CYB5R3: variants seen among roughly 807,000 people sequenced by gnomAD.
The protein encoded by CYB5R3 is cytochrome b5 reductase 3.
A neutral mutation model predicts 36.5 loss-of-function variants in CYB5R3; 28 were observed. The ratio of observed to expected loss-of-function variants is 0.77; its 90% CI spans 0.57 to 1.05. The LOEUF (loss-of-function observed/expected upper bound fraction) is 1.05, where lower values mean the gene tolerates loss of function less well. CYB5R3 is among the 50% of genes least tolerant of loss of function. The probability of loss-of-function intolerance (pLI) is 0.00; values close to 1 mark genes in which losing one functional copy is unlikely to be tolerated. For missense variants in CYB5R3, 474 were observed against 408.9 expected, an observed-to-expected ratio of 1.16 and a Z score of -1.37; for synonymous variants, 181 against 159.8, an observed-to-expected ratio of 1.13 and a Z score of -1.00.
At chr22:42,639,713 G>A (rs531773805) in intron 1 of CYB5R3, 2 of 432,960 alleles carry the variant, frequency 4.6e-6, no homozygotes, top group Admixed American at 3.9e-5. Flanking sequence ...CTGTGGTTAC[G>A]CAAAGGAATG....
chr22:42,624,859 C>G (rs1246401193), intron 7 of CYB5R3, among the ~76,000 whole-genome samples: 2 of 152,114 alleles, frequency 1.3e-5, no homozygotes, highest in Admixed American at 1.3e-4. Context: ...GTTCCCAGGG[C>G]TGGGGAACTG....
intron 1 of CYB5R3, among the ~76,000 whole-genome samples, chr22:42,649,059 C>G (rs889414902): frequency 1.7e-4 from 26 of 152,190 alleles, no homozygotes; most frequent in African/African-American, 4.3e-4. Flanking sequence ...GCGCGCCCCC[C>G]GGGCAGGAGG....
At chr22:42,638,396 C>CAAAAA (rs1206825251) in intron 1 of CYB5R3, among the ~76,000 whole-genome samples, 7 of 36,492 alleles carry the variant, frequency 1.9e-4, no homozygotes, top group Admixed American at 8.8e-4. Context: ...AACTCCATCT[C>CAAAAA]AAAAAAAAAA....
intron 1 of CYB5R3, among the ~76,000 whole-genome samples, chr22:42,644,788 G>C (rs1929460987): frequency 6.6e-6 from 1 of 152,204 alleles, no homozygotes; most frequent in African/African-American, 2.4e-5. Flanking sequence ...AGGAGCTGGG[G>C]TTGTGCTTGG....
Position 42,636,737 on chromosome 22 carries a change from G to A in CYB5R3, c.131C>T (p.Pro44Leu), listed in dbSNP as rs1226180422. The A allele has an allele frequency of 1.1e-5, 17 of 1,612,952 alleles. No homozygotes were observed. Among genetic ancestry groups the A allele is most frequent in the Non-Finnish European group, 1.4e-5 (16 of 1,179,932 alleles). ...ITLESPDIKYPLRLIDREIIS... is the reference protein window; with the variant it reads ...ITLESPDIKYLLRLIDREIIS... ...CACCTCCCGGTCGATGAGCCGCAGC[G>A]GGTACTTGATGTCCGGGCTCTCGAG... is the stretch of plus-strand genomic sequence containing the variant. Residue 44 changes from proline to leucine, a missense_variant, in exon 2 of 9, where the codon CCG becomes CTG. Transcript: ENST00000352397.
intron 2 of CYB5R3, chr22:42,631,951 G>A (rs1928643938): frequency 1.2e-5 from 2 of 163,052 alleles, no homozygotes; most frequent in Admixed American, 1.2e-4. Flanking sequence ...GGACTGAGGT[G>A]GGCTTCACAG....
At position 42,618,609 on chromosome 22, in the gene CYB5R3, A is replaced by T. The variant is rs1927765599; in HGVS notation, c.*1164T>A. The T allele has an allele frequency of 1.3e-5, 2 of 148,198 alleles. No individual in the cohort carries two copies. The highest frequency in any genetic ancestry group is 6.8e-5 in the Admixed American group (1 of 14,798). The allele number at this position is 148,198 out of a possible 1,614,324, so 9.2% of individuals were successfully genotyped here. A position where few individuals can be genotyped will look rare whatever the true frequency, so the allele number is the denominator to read the frequency against. On this transcript the variant is annotated 3_prime_UTR_variant, in exon 9 of 9. Coordinates refer to ENST00000352397, the MANE Select transcript of CYB5R3 (RefSeq NM_000398.7). ...GCACTTTTAGTCCCAGCTACTCGGGAGGCTGAGGCAGGAGAATCGCTTGAA... is the reference window on the plus strand; with the variant it reads ...GCACTTTTAGTCCCAGCTACTCGGGTGGCTGAGGCAGGAGAATCGCTTGAA...
At chr22:42,646,625 C>A in intron 1 of CYB5R3, 1 of 984,608 alleles carries the variant, frequency 1.0e-6, no homozygotes, top group Non-Finnish European at 1.2e-6. Context: ...ACAAGCCAGT[C>A]GGGTGACTTG....
rs149158903 is a variant in CYB5R3, at chr22:42,627,681, G to T, written c.471C>A (p.Phe157Leu). ...GLLVYQGKGK[F>L]AIRPDKKSNP... ...TGGACTTTTTGTCAGGTCGGATGGC[G>T]AACTTCCCTGGGGAGAGAGAAGGGG... The change falls in exon 6 of 9, where the codon TTC becomes TTA. Residue 157 changes from phenylalanine to leucine, a missense_variant. By Grantham distance (22) the Phe-to-Leu change is conservative (BLOSUM62 0). Transcript: ENST00000352397. The T allele has an allele frequency of 6.2e-7, 1 of 1,612,894 alleles. No homozygotes were observed. The highest frequency in any genetic ancestry group is 1.3e-5 in the African/African-American group (1 of 74,992).
At chr22:42,626,271 T>C (rs1008899966) in intron 7 of CYB5R3, among the ~76,000 whole-genome samples, 4 of 152,122 alleles carry the variant, frequency 2.6e-5, no homozygotes, top group African/African-American at 9.7e-5. Context: ...GATTGTGCCA[T>C]TGCACTCCAG....
chr22:42,621,148 TA>T (rs1385778081), intron 8 of CYB5R3, among the ~76,000 whole-genome samples: 2 of 151,988 alleles, frequency 1.3e-5, no homozygotes, highest in Non-Finnish European at 2.9e-5. Context: ...TGCAGGTATG[TA>T]AGACACCTTT....
intron 1 of CYB5R3, among the ~76,000 whole-genome samples, chr22:42,644,079 C>T (rs560190582): frequency 6.6e-6 from 1 of 152,206 alleles, no homozygotes; most frequent in Admixed American, 6.5e-5. Flanking sequence ...GTTATCTATC[C>T]CTCAGATAGA....
rs188966061 is a variant in CYB5R3, at chr22:42,638,785, C to T, written c.22-1939G>A. Among the ~76,000 whole-genome samples the T allele has an allele frequency of 2.7e-3, 393 of 146,748 alleles. 2 individuals are homozygous for T. Among genetic ancestry groups the T allele is most frequent in the African/African-American group, 9.5e-3 (375 of 39,490 alleles). On this transcript the variant is annotated intron_variant, in intron 1 of 8. Transcript: ENST00000352397. ...CGGTGGCTCACGCCTGTAATCCCAG[C>T]ACTTTGGGAGGCTGAGGCGGGGGGA... is the stretch of plus-strand genomic sequence containing the variant.
intron 1 of CYB5R3, among the ~76,000 whole-genome samples, chr22:42,648,037 G>A (rs952103507): frequency 6.6e-6 from 1 of 152,188 alleles, no homozygotes; most frequent in East Asian, 1.9e-4. Context: ...CAATAAAGGA[G>A]GCAGATGCTT....
intron 1 of CYB5R3, chr22:42,644,255 A>G: frequency 3.2e-6 from 2 of 624,684 alleles, no homozygotes; most frequent in East Asian, 5.5e-5. Context: ...TGCCTCCCAC[A>G]GTGAGGCCTG....
At chr22:42,633,873 G>A (rs1236797074) in intron 2 of CYB5R3, among the ~76,000 whole-genome samples, 3 of 152,164 alleles carry the variant, frequency 2.0e-5, no homozygotes, top group Non-Finnish European at 4.4e-5. Flanking sequence ...GTGCCCAGGA[G>A]TTTGAGGTTG....
At chr22:42,620,668 A>G (rs922558588) in intron 8 of CYB5R3, among the ~76,000 whole-genome samples, 2 of 152,272 alleles carry the variant, frequency 1.3e-5, no homozygotes, top group African/African-American at 4.8e-5. Flanking sequence ...AGATGGCCCA[A>G]GTTTACAGCA....
intron 2 of CYB5R3, 130 bp from the exon 3 acceptor site, chr22:42,631,580 G>T: frequency 2.4e-6 from 2 of 828,028 alleles, no homozygotes; most frequent in Non-Finnish European, 4.1e-6. Context: ...GCTTGTCCTT[G>T]TAAGACGTGA....
chr22:42,628,995 T>C (rs1928463558), intron 4 of CYB5R3, among the ~76,000 whole-genome samples: 1 of 152,030 alleles, frequency 6.6e-6, no homozygotes, highest in Admixed American at 6.5e-5. Context: ...GAGCACACTG[T>C]CCTGGGCCCT....
Sources: gnomAD v4.1 joint callset for allele counts (sites outside exome capture counted in the v4.1 genomes callset) on GRCh38, gnomAD v4.1.1 for gene constraint, MANE v1.5 for transcripts, NCBI Gene and HGNC (gene_info 2026-07-23, HGNC 2026-07-21) for gene names.